Variants in HDAC4 observed in about 807,000 individuals in gnomAD.
HDAC4 encodes the protein histone deacetylase A.
HDAC4 carries 16 observed loss-of-function variants against 135.1 expected under a neutral mutation model. The ratio of observed to expected loss-of-function variants is 0.12; its 90% CI spans 0.08 to 0.18. HDAC4 has a LOEUF of 0.18. Ranked by LOEUF, HDAC4 falls within the 10% of genes least tolerant of loss-of-function variation. The pLI, the probability that HDAC4 is intolerant of heterozygous loss-of-function variation, is 1.00. For missense variants in HDAC4, 1,143 were observed against 1,511.8 expected (o/e 0.76, Z 4.05); for synonymous variants, 685 against 653.4 (o/e 1.05, Z -0.74).
intron 2 of HDAC4, among the ~76,000 whole-genome samples, chr2:239,329,619 T>C (rs79102757): frequency 0.062 from 9,483 of 151,870 alleles, 436 homozygotes; most frequent in Middle Eastern, 0.1. Context: ...CAAGTTATTC[T>C]GAAATTTCAA....
At chr2:239,241,305 C>A (rs989377041) in intron 2 of HDAC4, among the ~76,000 whole-genome samples, 1 of 152,192 alleles carries the variant, frequency 6.6e-6, no homozygotes, top group African/African-American at 2.4e-5. Context: ...ACCCTTGGGA[C>A]CTGCCTGGGA....
At chr2:239,070,389 G>C (rs2034053976) in intron 22 of HDAC4, among the ~76,000 whole-genome samples, 1 of 152,184 alleles carries the variant, frequency 6.6e-6, no homozygotes, top group Non-Finnish European at 1.5e-5. Flanking sequence ...ATTTGGAAAG[G>C]GGAAAAAGCA....
intron 16 of HDAC4, among the ~76,000 whole-genome samples, chr2:239,098,376 T>G (rs772412233): frequency 1.8e-3 from 269 of 152,346 alleles, no homozygotes; most frequent in Non-Finnish European, 2.1e-3. Flanking sequence ...CAGGGAAGGC[T>G]CGGCTCCAGC....
chr2:239,187,326 A>G (rs1413549482), intron 4 of HDAC4, among the ~76,000 whole-genome samples: 1 of 152,218 alleles, frequency 6.6e-6, no homozygotes, highest in African/African-American at 2.4e-5. Context: ...CATGCAGAAT[A>G]CGAAGGAGCT....
chr2:239,095,542 CCT>C, intron 16 of HDAC4, among the ~76,000 whole-genome samples: 1 of 152,256 alleles, frequency 6.6e-6, no homozygotes, highest in African/African-American at 2.4e-5. Flanking sequence ...CCTCTTAGAC[CCT>C]GAGATCCTCG....
intron 1 of HDAC4, among the ~76,000 whole-genome samples, chr2:239,374,496 C>T (rs907963162): frequency 7.6e-5 from 11 of 144,256 alleles, no homozygotes; most frequent in Admixed American, 2.8e-4. Context: ...CTCCGCCTCC[C>T]GGGTTCACGC....
rs3791460 is a variant in HDAC4 at position 239,130,104 on chromosome 2, T to C, written c.1295-3410A>G. On this transcript the variant is annotated intron_variant, in intron 11 of 26. Transcript: ENST00000543185. ...TGCAAAATTCTTTAAAATCCTTCCA[T>C]TGAGAAGCAAACCAGGCAAGAGTTA... 2.0e-5 allele frequency among the ~76,000 whole-genome samples: 3 copies of C among 152,184 alleles called. No individual in the cohort carries two copies. The East Asian group carries it at 5.8e-4, about 29-fold the overall frequency.
chr2:239,095,161 TGG>T, intron 16 of HDAC4, 105 bp from the exon 17 acceptor site: 1 of 1,229,278 alleles, frequency 8.1e-7, no homozygotes, highest in Non-Finnish European at 1.2e-6. Flanking sequence ...TGGGCATTTG[TGG>T]GACAACGAGG....
intron 18 of HDAC4, chr2:239,089,722 T>G: frequency 2.4e-6 from 1 of 414,124 alleles, no homozygotes; most frequent in Non-Finnish European, 4.3e-6. Flanking sequence ...CAGAAGCTCT[T>G]TGGAGCTTTT....
At chr2:239,094,713 T>C in intron 17 of HDAC4, 1 of 1,255,544 alleles carries the variant, frequency 8.0e-7, no homozygotes, top group Non-Finnish European at 1.0e-6. Context: ...TGCCACAGAC[T>C]TCGAAGGGGA....
At chr2:239,221,906 A>T (rs1453892625) in intron 3 of HDAC4, among the ~76,000 whole-genome samples, 2 of 152,262 alleles carry the variant, frequency 1.3e-5, no homozygotes, top group Non-Finnish European at 1.5e-5. Flanking sequence ...CAGGTCACTT[A>T]AAAGGCTTTT....
At chr2:239,078,499 T>G (rs1336262449) in intron 22 of HDAC4, among the ~76,000 whole-genome samples, 2 of 152,018 alleles carry the variant, frequency 1.3e-5, no homozygotes, top group African/African-American at 4.8e-5. Flanking sequence ...CCATAAATTG[T>G]AAACTTCAAA....
chr2:239,173,369 T>C (rs1464101073), intron 5 of HDAC4, among the ~76,000 whole-genome samples: 2 of 152,250 alleles, frequency 1.3e-5, no homozygotes, highest in African/African-American at 2.4e-5. Flanking sequence ...TAAATCCATA[T>C]GCTTTACTTC....
At chr2:239,302,574 G>A (rs983598122) in intron 2 of HDAC4, among the ~76,000 whole-genome samples, 9 of 152,210 alleles carry the variant, frequency 5.9e-5, no homozygotes, top group South Asian at 2.1e-4. Context: ...TGCAGCGGGC[G>A]CTGCCCCTCT....
At chr2:239,150,110 C>T (rs956364894) in intron 7 of HDAC4, among the ~76,000 whole-genome samples, 1 of 151,940 alleles carries the variant, frequency 6.6e-6, no homozygotes, top group Admixed American at 6.6e-5. Context: ...ATAATGGCCA[C>T]CATATAATAT....
intron 1 of HDAC4, among the ~76,000 whole-genome samples, chr2:239,378,700 CA>C (rs1444018894): frequency 1.3e-5 from 2 of 152,124 alleles, no homozygotes; most frequent in Middle Eastern, 3.4e-3. Context: ...ACCCGGGAAC[CA>C]ATAACCCCGG....
chr2:239,126,786 G>T, intron 11 of HDAC4, 92 bp from the exon 12 acceptor site: 1 of 1,359,830 alleles, frequency 7.4e-7, no homozygotes, highest in Non-Finnish European at 1.0e-6. Context: ...AGACAACTGC[G>T]CCCTGTGCCC....
chr2:239,196,394 C>T (rs2045382904), intron 3 of HDAC4, among the ~76,000 whole-genome samples: 1 of 152,234 alleles, frequency 6.6e-6, no homozygotes, highest in Non-Finnish European at 1.5e-5. Context: ...ACCCCGTGAG[C>T]AACATCCTGA....
intron 4 of HDAC4, chr2:239,187,029 A>G (rs139576869): frequency 0.011 from 1,713 of 152,758 alleles, 17 homozygotes; most frequent in Non-Finnish European, 0.017. Context: ...GTGGGGTCCT[A>G]ATCATGCACT....
Sources: gnomAD v4.1 joint callset for allele counts (sites outside exome capture counted in the v4.1 genomes callset) on GRCh38, gnomAD v4.1.1 for gene constraint, MANE v1.5 for transcripts, NCBI Gene and HGNC (gene_info 2026-07-23, HGNC 2026-07-21) for gene names.